TGFBR3: variants seen among roughly 807,000 people sequenced by gnomAD.
The protein encoded by TGFBR3 is transforming growth factor beta receptor 3, also known as transforming growth factor beta receptor type 3.
Under a neutral mutation model 87.9 loss-of-function variants are expected in TGFBR3, and 46 were observed. The ratio of observed to expected loss-of-function variants is 0.52; its 90% CI spans 0.41 to 0.67. The LOEUF is 0.67. TGFBR3 is among the 30% of genes least tolerant of loss of function. TGFBR3 has a pLI of 0.00. For synonymous variants in TGFBR3, 381 were observed against 391.6 expected, an observed-to-expected ratio of 0.97 and a Z score of 0.32; for missense variants, 866 against 1,041.9, an observed-to-expected ratio of 0.83 and a Z score of 2.32.
intron 7 of TGFBR3, 90 bp from the exon 8 acceptor site, chr1:91,722,234 T>C: frequency 3.8e-6 from 4 of 1,049,318 alleles, no homozygotes; most frequent in Non-Finnish European, 4.2e-6. Context: ...AAGTAGATTC[T>C]ATATTGTATA....
Position 91,716,375 on chromosome 1 carries a change from T to C in TGFBR3, c.1727A>G (p.Gln576Arg). The change falls in exon 12 of 17, where the codon CAG (glutamine) becomes CGG (arginine). Residue 576 changes from glutamine (Q) to arginine (R), a missense_variant. Gln to Arg is a conservative substitution (Grantham distance 43). Coordinates refer to ENST00000212355, the MANE Select transcript of TGFBR3 (RefSeq NM_003243.5). ...EIVVFNCSLQ[Q>R]VRNPSSFQEQ... Reference sequence around the variant, plus strand: ...CTGGAAGCTGCTGGGGTTCCTCACCTGCTGAAGGCTGCAATTAAACTGGAA... The same window carrying C: ...CTGGAAGCTGCTGGGGTTCCTCACCCGCTGAAGGCTGCAATTAAACTGGAA... 1 of 1,614,188 alleles carries C rather than the reference T, an allele frequency of 6.2e-7. No individual in the cohort carries two copies. Among genetic ancestry groups the C allele is most frequent in the South Asian group, 1.1e-5 (1 of 91,084 alleles).
At chr1:91,699,454 T>TTTTTTTTGTGG (rs1671549492) in intron 14 of TGFBR3, among the ~76,000 whole-genome samples, 1 of 139,152 alleles carries the variant, frequency 7.2e-6, no homozygotes. Flanking sequence ...TTTTTTTTTT[T>TTTTTTTTGTGG]GCTGTGAGGG....
chr1:91,765,697 A>G (rs1231496071), intron 3 of TGFBR3, among the ~76,000 whole-genome samples: 1 of 152,180 alleles, frequency 6.6e-6, no homozygotes, highest in Admixed American at 6.5e-5. Context: ...AATGTAAAAA[A>G]CCTTTGGAGC....
intron 2 of TGFBR3, among the ~76,000 whole-genome samples, chr1:91,822,221 T>C (rs963678400): frequency 6.6e-6 from 1 of 151,274 alleles, no homozygotes; most frequent in Non-Finnish European, 1.5e-5. Flanking sequence ...ACATTTATAT[T>C]CTTCTACTGC....
rs184187810 is a variant in TGFBR3, at chr1:91,682,311, G to A, written c.*1428C>T. ...TCTTGTTCTACTTATGGAATTCTAA[G>A]TTGTTTGGGGGAAATTCTGGAAAAA... On this transcript the variant is annotated 3_prime_UTR_variant, in exon 17 of 17. Transcript: ENST00000212355. 1.3e-3 allele frequency: 590 copies of A among 452,912 alleles called. 1 individual carries two copies. Among genetic ancestry groups the A allele is most frequent in the Non-Finnish European group, 1.8e-3 (403 of 226,596 alleles). 28.1% of individuals were successfully genotyped at this position (452,912 alleles called of 1,614,324 possible).
intron 3 of TGFBR3, among the ~76,000 whole-genome samples, chr1:91,761,294 G>A (rs1673954005): frequency 6.6e-6 from 1 of 152,166 alleles, no homozygotes; most frequent in South Asian, 2.1e-4. Flanking sequence ...TTTCCAGATG[G>A]TCAAAAGTGC....
intron 3 of TGFBR3, among the ~76,000 whole-genome samples, chr1:91,784,534 T>C (rs909581441): frequency 6.6e-6 from 1 of 151,832 alleles, no homozygotes; most frequent in Non-Finnish European, 1.5e-5. Context: ...AAGGCACAGG[T>C]TGTGGTAGGG....
chr1:91,850,468 G>A (rs570802050), intron 2 of TGFBR3, among the ~76,000 whole-genome samples: 16 of 152,276 alleles, frequency 1.1e-4, no homozygotes, highest in Admixed American at 3.9e-4. Flanking sequence ...GCAGTCCAGC[G>A]GGGTCAATGA....
Position 91,719,216 on chromosome 1 carries a change from C to T in TGFBR3, c.1566+96G>A, listed in dbSNP as rs1000131003. On this transcript the variant is annotated intron_variant, in intron 10 of 16. Transcript: ENST00000212355. The stretch of plus-strand genomic sequence containing the variant: ...GCTTTCTTCAGGCCTGGGGTGAAAA[C>T]CCTCTTCATCTTCAAAGAAATGTTA... The T allele has an allele frequency of 3.2e-6, 5 of 1,559,926 alleles. No individual in the cohort carries two copies. The African/African-American group carries it at 5.4e-5, about 17-fold the overall frequency.
chr1:91,695,215 A>C (rs1305854744), intron 16 of TGFBR3, among the ~76,000 whole-genome samples: 1 of 152,198 alleles, frequency 6.6e-6, no homozygotes, highest in Non-Finnish European at 1.5e-5. Flanking sequence ...CATGGGTTAA[A>C]AAAAGGTTGA....
chr1:91,851,557 G>A (rs1294286707), intron 2 of TGFBR3, among the ~76,000 whole-genome samples: 3 of 152,136 alleles, frequency 2.0e-5, no homozygotes, highest in African/African-American at 7.2e-5. Flanking sequence ...AGCTCTATGG[G>A]GTGATAAAGA....
intron 1 of TGFBR3, among the ~76,000 whole-genome samples, chr1:91,902,893 C>T (rs1010069664): frequency 4.6e-5 from 7 of 151,916 alleles, no homozygotes; most frequent in African/African-American, 1.7e-4. Flanking sequence ...ACCCCTTTTC[C>T]CTGCCTGCAA....
intron 4 of TGFBR3, among the ~76,000 whole-genome samples, chr1:91,738,868 G>A (rs1673051904): frequency 6.6e-6 from 1 of 152,188 alleles, no homozygotes; most frequent in South Asian, 2.1e-4. Flanking sequence ...CCCTTATGGA[G>A]ATTAAAGTCT....
rs1456602436 is a variant in TGFBR3, at chr1:91,698,131, C to A, written c.2288-1G>T. The A allele has an allele frequency of 6.2e-7, 1 of 1,613,534 alleles. No individual in the cohort carries two copies. The highest frequency in any genetic ancestry group is 1.7e-5 in the Admixed American group (1 of 60,016). Reference sequence around the variant, plus strand: ...GGTTCCTTCATGCTTGGACCTTTTTCTGAAACAAAAACATAAATCACAATG... The same window carrying A: ...GGTTCCTTCATGCTTGGACCTTTTTATGAAACAAAAACATAAATCACAATG... On this transcript the variant is annotated splice_acceptor_variant, in intron 14 of 16. Transcript: ENST00000212355. LOFTEE classifies it high-confidence loss of function.
chr1:91,811,035 G>C (rs113167816), intron 2 of TGFBR3, among the ~76,000 whole-genome samples: 9 of 152,340 alleles, frequency 5.9e-5, no homozygotes, highest in African/African-American at 2.2e-4. Context: ...TCACAGGCAG[G>C]TGCAGTGGCT....
chr1:91,886,381 C>G (rs1277885619), upstream of TGFBR3: 5 of 340,534 alleles, frequency 1.5e-5, no homozygotes, highest in Non-Finnish European at 2.9e-5. Flanking sequence ...CTGCTCGAGC[C>G]TGTGCTTCCC....
At chr1:91,749,776 G>A (rs1348031835) in intron 4 of TGFBR3, among the ~76,000 whole-genome samples, 1 of 152,148 alleles carries the variant, frequency 6.6e-6, no homozygotes, top group Non-Finnish European at 1.5e-5. Flanking sequence ...GAGTCTCCTG[G>A]TAGACAGTTG....
intron 16 of TGFBR3, among the ~76,000 whole-genome samples, chr1:91,693,840 C>T (rs1671342929): frequency 6.6e-6 from 1 of 152,196 alleles, no homozygotes; most frequent in Admixed American, 6.5e-5. Context: ...GAACTGTTAG[C>T]TTGAGATCTG....
chr1:91,869,775 G>A (rs1470356499), intron 1 of TGFBR3, among the ~76,000 whole-genome samples: 1 of 152,232 alleles, frequency 6.6e-6, no homozygotes, highest in Non-Finnish European at 1.5e-5. Flanking sequence ...AAGGAGGCAG[G>A]AGTGCGACCA....
Sources: gnomAD v4.1 joint callset for allele counts (sites outside exome capture counted in the v4.1 genomes callset) on GRCh38, gnomAD v4.1.1 for gene constraint, MANE v1.5 for transcripts, NCBI Gene and HGNC (gene_info 2026-07-23, HGNC 2026-07-21) for gene names.